PACS1: variants seen among roughly 807,000 people sequenced by gnomAD.
PACS1 encodes the protein PACS-1.
In PACS1, 24 loss-of-function variants were observed where a neutral mutation model predicts 115.0. That is an observed-to-expected ratio of 0.21 (90% CI 0.15 to 0.29). The LOEUF is 0.29. Ranked by LOEUF, PACS1 falls within the 10% of genes least tolerant of loss-of-function variation. PACS1 has a pLI of 1.00. For synonymous variants in PACS1, 453 were observed against 504.5 expected (o/e 0.90, Z 1.37); for missense variants, 838 against 1,251.2 (o/e 0.67, Z 4.98).
At chr11:66,171,770 G>A (rs567382737) in intron 1 of PACS1, among the ~76,000 whole-genome samples, 4 of 149,790 alleles carry the variant, frequency 2.7e-5, no homozygotes, top group South Asian at 2.1e-4. Context: ...TAGTAGAGAC[G>A]GGGTTTCACC....
intron 1 of PACS1, among the ~76,000 whole-genome samples, chr11:66,115,053 A>G (rs1241803673): frequency 2.0e-5 from 3 of 151,894 alleles, no homozygotes; most frequent in South Asian, 4.2e-4. Context: ...AAAAAAAAAT[A>G]CAAAAATTAG....
At chr11:66,239,874 A>G (rs527532639) in intron 21 of PACS1, among the ~76,000 whole-genome samples, 3 of 152,290 alleles carry the variant, frequency 2.0e-5, no homozygotes, top group Non-Finnish European at 4.4e-5. Flanking sequence ...GTTACATAAG[A>G]ACGTGGAAAC....
chr11:66,160,256 G>A (rs1471081223), intron 1 of PACS1, among the ~76,000 whole-genome samples: 4 of 152,100 alleles, frequency 2.6e-5, no homozygotes, highest in Non-Finnish European at 5.9e-5. Context: ...ACACCTACTA[G>A]CTGCGTGACC....
intron 1 of PACS1, among the ~76,000 whole-genome samples, chr11:66,090,194 A>ACTTGG (rs373877149): frequency 6.2e-4 from 91 of 147,786 alleles, no homozygotes; most frequent in Admixed American, 1.1e-3. Context: ...GCTTGACTTG[A>ACTTGG]CTTGGCTTGG....
At position 66,111,842 on chromosome 11, in the gene PACS1, C is replaced by T. The variant is rs1858193708; in HGVS notation, c.356+41000C>T. ...TTTTTGTATTATAGAGATGGGGTTT[C>T]ACCATGTTGGCCAGGCTGGTCTTGA... On this transcript the variant is annotated intron_variant, in intron 1 of 23. Coordinates refer to ENST00000320580, the MANE Select transcript of PACS1 (RefSeq NM_018026.4). 3.3e-5 allele frequency among the ~76,000 whole-genome samples: 5 copies of T among 152,214 alleles called. No homozygotes were observed. In the South Asian group the frequency reaches 1.0e-3, roughly 32 times the overall value.
chr11:66,153,425 G>T (rs1213351172), intron 1 of PACS1, among the ~76,000 whole-genome samples: 1 of 152,122 alleles, frequency 6.6e-6, no homozygotes, highest in Admixed American at 6.6e-5. Context: ...TGGGAGGATT[G>T]CTTGAGCCCA....
intron 7 of PACS1, chr11:66,217,726 G>T: frequency 2.4e-6 from 1 of 415,764 alleles, no homozygotes; most frequent in Non-Finnish European, 4.9e-6. Flanking sequence ...TGCTCCAAAT[G>T]GTCCCCATGA....
In PACS1 at chr11:66,100,814, T is replaced by C. The variant is rs1384928262; in HGVS notation, c.356+29972T>C. 3 of 456,290 alleles carry C rather than the reference T, an allele frequency of 6.6e-6. No individual in the cohort carries two copies. In the Admixed American group the frequency reaches 7.0e-5, roughly 11 times the overall value. The allele number at this position is 456,290 out of a possible 1,614,324, so 28.3% of individuals were successfully genotyped here. A position where few individuals can be genotyped will look rare whatever the true frequency, so the allele number is the denominator to read the frequency against. On this transcript the variant is annotated intron_variant, in intron 1 of 23. Transcript: ENST00000320580. ...TGCCAGCTATTAGCTGGGACCTCCA[T>C]GAGAACTGTGGCTGGAACACCTGTT... is the stretch of plus-strand genomic sequence containing the variant.
At chr11:66,100,908 A>C (rs1857902820) in intron 1 of PACS1, 2 of 456,150 alleles carry the variant, frequency 4.4e-6, no homozygotes, top group East Asian at 1.4e-4. Context: ...CAGGCATCAC[A>C]CAAGCAAGAG....
Position 66,235,584 on chromosome 11 carries a change from C to T in PACS1, c.2207+181C>T. On this transcript the variant is annotated intron_variant, in intron 18 of 23. Coordinates refer to ENST00000320580, the MANE Select transcript of PACS1 (RefSeq NM_018026.4). The surrounding 1 kb of genome is among the most constrained non-coding windows in gnomAD (Gnocchi z 5.6). ...CACTCCTTCCTTGCCCAAGGCCTCC[C>T]ACCCATAGGAGCCTGAGTTCATCAG... 1.6e-6 allele frequency: 1 copy of T among 610,034 alleles called. No homozygotes were observed. The highest frequency in any genetic ancestry group is 2.9e-6 in the Non-Finnish European group (1 of 341,678). 37.8% of individuals were successfully genotyped at this position (610,034 alleles called of 1,614,324 possible).
intron 1 of PACS1, among the ~76,000 whole-genome samples, chr11:66,148,495 T>C (rs1210250957): frequency 6.6e-6 from 1 of 152,198 alleles, no homozygotes; most frequent in Non-Finnish European, 1.5e-5. Context: ...CACTTTCAGT[T>C]TTAAGAACAC....
chr11:66,136,287 G>A (rs942607167), intron 1 of PACS1, among the ~76,000 whole-genome samples: 4 of 132,356 alleles, frequency 3.0e-5, no homozygotes, highest in African/African-American at 5.8e-5. Context: ...ACACACACAC[G>A]CCAAGAATGT....
chr11:66,135,873 T>A (rs1006686425), intron 1 of PACS1, among the ~76,000 whole-genome samples: 9 of 152,050 alleles, frequency 5.9e-5, no homozygotes, highest in Non-Finnish European at 1.3e-4. Flanking sequence ...GCCAGGCTGG[T>A]CTCGAACTCC....
At chr11:66,208,317 T>G (rs1854991240) in intron 2 of PACS1, among the ~76,000 whole-genome samples, 1 of 152,048 alleles carries the variant, frequency 6.6e-6, no homozygotes, top group African/African-American at 2.4e-5. Flanking sequence ...GCTCAAAAAT[T>G]TGTCATTAAT....
intron 1 of PACS1, among the ~76,000 whole-genome samples, chr11:66,072,855 G>A (rs557186174): frequency 7.9e-5 from 12 of 152,310 alleles, no homozygotes; most frequent in South Asian, 2.1e-4. Context: ...CGAGCCTACT[G>A]GCAAGGAGCT....
chr11:66,225,388 T>C (rs982759268), intron 10 of PACS1, among the ~76,000 whole-genome samples: 1 of 152,188 alleles, frequency 6.6e-6, no homozygotes, highest in Non-Finnish European at 1.5e-5. Context: ...TTAGTGTTTA[T>C]AGAAGCAGGA....
chr11:66,129,963 A>G (rs776561957), intron 1 of PACS1, among the ~76,000 whole-genome samples: 2 of 152,202 alleles, frequency 1.3e-5, no homozygotes, highest in Admixed American at 6.5e-5. Flanking sequence ...CACTAAGGGT[A>G]CACCTGAGCT....
intron 21 of PACS1, chr11:66,241,155 A>G: frequency 2.3e-6 from 1 of 431,386 alleles, no homozygotes; most frequent in Non-Finnish European, 4.3e-6. Context: ...TTCTTCCTTC[A>G]TAAAGCTTCC....
At chr11:66,181,947 G>A (rs1018414165) in intron 1 of PACS1, among the ~76,000 whole-genome samples, 20 of 152,304 alleles carry the variant, frequency 1.3e-4, no homozygotes, top group African/African-American at 4.8e-4. Context: ...ACCTTTTTGA[G>A]CACTTCTGTA....
Sources: gnomAD v4.1 joint callset for allele counts (sites outside exome capture counted in the v4.1 genomes callset) on GRCh38, gnomAD v4.1.1 for gene constraint, Gnocchi (gnomAD v3.1) non-coding constraint, MANE v1.5 for transcripts, NCBI Gene and HGNC (gene_info 2026-07-23, HGNC 2026-07-21) for gene names.